GRHL2: variants seen among roughly 807,000 people sequenced by gnomAD.
The protein encoded by GRHL2 is grainyhead like transcription factor 2.
GRHL2 carries 21 observed loss-of-function variants against 83.8 expected under a neutral mutation model. The observed-to-expected ratio is 0.25, with a 90% CI of 0.18 to 0.36. The LOEUF (loss-of-function observed/expected upper bound fraction) is 0.36, where lower values mean the gene tolerates loss of function less well. GRHL2 is among the 10% of genes least tolerant of loss of function. The probability of loss-of-function intolerance (pLI) is 1.00; values close to 1 mark genes in which losing one functional copy is unlikely to be tolerated. For synonymous variants in GRHL2, 280 were observed against 278.9 expected, an observed-to-expected ratio of 1.00 and a Z score of -0.04; for missense variants, 623 against 781.8, an observed-to-expected ratio of 0.80 and a Z score of 2.42.
intron 11 of GRHL2, among the ~76,000 whole-genome samples, chr8:101,634,741 A>G (rs1221337355): frequency 6.6e-6 from 1 of 152,214 alleles, no homozygotes; most frequent in East Asian, 1.9e-4. Flanking sequence ...TGTTCACTCA[A>G]GGACATGACT....
At chr8:101,576,225 G>T (rs1811930436) in intron 6 of GRHL2, among the ~76,000 whole-genome samples, 1 of 152,042 alleles carries the variant, frequency 6.6e-6, no homozygotes, top group South Asian at 2.1e-4. Context: ...TTTTGGTTTT[G>T]GTTTTTGAGA....
downstream of GRHL2, among the ~76,000 whole-genome samples, chr8:101,672,820 T>A (rs200373041): frequency 3.3e-5 from 5 of 151,634 alleles, no homozygotes; most frequent in South Asian, 1.0e-3. Flanking sequence ...CGGGTTACCC[T>A]CAAAGGGAAG....
At chr8:101,671,163 A>G (rs561909696), downstream of GRHL2, among the ~76,000 whole-genome samples, 15 of 152,284 alleles carry the variant, frequency 9.9e-5, no homozygotes, top group South Asian at 3.1e-3. Context: ...GGAGTGCCAG[A>G]CAGTGGGTGC....
At chr8:101,567,257 A>G (rs945226442) in intron 4 of GRHL2, among the ~76,000 whole-genome samples, 3 of 152,240 alleles carry the variant, frequency 2.0e-5, no homozygotes, top group African/African-American at 4.8e-5. Flanking sequence ...CTTCTTTACT[A>G]TCATTTTTCT....
intron 1 of GRHL2, among the ~76,000 whole-genome samples, chr8:101,513,497 G>T (rs1810505514): frequency 1.1e-4 from 1 of 9,292 alleles, no homozygotes; most frequent in Non-Finnish European, 7.8e-4. Flanking sequence ...GGCTATCGTT[G>T]TGCTTTTTTT....
chr8:101,661,349 A>G (rs1586180137), intron 14 of GRHL2, among the ~76,000 whole-genome samples: 1 of 151,964 alleles, frequency 6.6e-6, no homozygotes, highest in Non-Finnish European at 1.5e-5. Flanking sequence ...TGCTATTTGG[A>G]TGGAGCTCTT....
At chr8:101,558,324 T>A in intron 3 of GRHL2, 95 bp from the exon 4 acceptor site, 1 of 1,404,212 alleles carries the variant, frequency 7.1e-7, no homozygotes, top group South Asian at 1.2e-5. Context: ...GGCATTAACA[T>A]CCAATGATTA....
chr8:101,632,777 A>T (rs1333429449), intron 11 of GRHL2, among the ~76,000 whole-genome samples: 2 of 152,234 alleles, frequency 1.3e-5, no homozygotes, highest in Non-Finnish European at 2.9e-5. Context: ...AATAAAACTC[A>T]TTCAACAAAT....
chr8:101,591,258 C>T (rs1263333593), intron 7 of GRHL2, among the ~76,000 whole-genome samples: 1 of 152,232 alleles, frequency 6.6e-6, no homozygotes, highest in Non-Finnish European at 1.5e-5. Flanking sequence ...TTCACACATC[C>T]TCAGCAGCCC....
intron 2 of GRHL2, among the ~76,000 whole-genome samples, chr8:101,546,934 T>C (rs983858080): frequency 6.6e-6 from 1 of 152,260 alleles, no homozygotes; most frequent in African/African-American, 2.4e-5. Context: ...CAGCCAAGTC[T>C]AGAACTCCTT....
intron 2 of GRHL2, among the ~76,000 whole-genome samples, chr8:101,546,247 A>C (rs1295158176): frequency 6.6e-6 from 1 of 152,120 alleles, no homozygotes; most frequent in Non-Finnish European, 1.5e-5. Context: ...TTGAAGAAAT[A>C]TATTGATTAT....
intron 8 of GRHL2, among the ~76,000 whole-genome samples, chr8:101,612,320 C>G (rs1050083952): frequency 6.6e-6 from 1 of 150,876 alleles, no homozygotes; most frequent in African/African-American, 2.5e-5. Context: ...CAAGCAGAGT[C>G]TGGAGTATTC....
intron 14 of GRHL2, among the ~76,000 whole-genome samples, chr8:101,662,063 CA>C (rs1813933517): frequency 6.6e-6 from 1 of 152,186 alleles, no homozygotes; most frequent in Non-Finnish European, 1.5e-5. Flanking sequence ...TTCATTTGCT[CA>C]ACTTCAAAAA....
chr8:101,537,520 A>G lies in GRHL2; in HGVS notation c.21-5721A>G, dbSNP rs372734201. Among the ~76,000 whole-genome samples, 17 of 152,362 alleles carry G rather than the reference A, an allele frequency of 1.1e-4. 1 individual carries two copies. In the East Asian group the frequency reaches 2.9e-3, roughly 26 times the overall value. ...TCCATTGGACTTTGAGCTGGTTATT[A>G]GTAGAATTAGTTCTATGGAGCGTAC... is the stretch of plus-strand genomic sequence containing the variant. On this transcript the variant is annotated intron_variant, in intron 1 of 15. Coordinates refer to ENST00000646743, the MANE Select transcript of GRHL2 (RefSeq NM_024915.4).
At chr8:101,643,121 A>G (rs1393405865) in intron 12 of GRHL2, among the ~76,000 whole-genome samples, 1 of 152,116 alleles carries the variant, frequency 6.6e-6, no homozygotes, top group Non-Finnish European at 1.5e-5. Context: ...TGAAATCTCA[A>G]AAGATCAAAA....
intron 8 of GRHL2, among the ~76,000 whole-genome samples, chr8:101,615,527 T>G (rs1812837182): frequency 6.6e-6 from 1 of 152,142 alleles, no homozygotes; most frequent in Non-Finnish European, 1.5e-5. Flanking sequence ...GCGTTAAGAC[T>G]CCTGTGATTA....
At chr8:101,674,257 A>G (rs1814254897), downstream of GRHL2, among the ~76,000 whole-genome samples, 1 of 152,196 alleles carries the variant, frequency 6.6e-6, no homozygotes, top group South Asian at 2.1e-4. Context: ...CAAAAAATTA[A>G]TGAATCCAGG....
At chr8:101,524,601 CTA>C (rs1238721640) in intron 1 of GRHL2, among the ~76,000 whole-genome samples, 1 of 152,032 alleles carries the variant, frequency 6.6e-6, no homozygotes, top group Admixed American at 6.6e-5. Flanking sequence ...ATTTAGAAAA[CTA>C]TGTTATAATT....
chr8:101,492,937 CATT>C (rs901633696), intron 1 of GRHL2, 148 bp downstream of exon 1: 1 of 749,722 alleles, frequency 1.3e-6, no homozygotes, highest in African/African-American at 1.7e-5. Context: ...GACTTTTCCG[CATT>C]ATGTTTCTAC....
Sources: gnomAD v4.1 joint callset for allele counts (sites outside exome capture counted in the v4.1 genomes callset) on GRCh38, gnomAD v4.1.1 for gene constraint, MANE v1.5 for transcripts, NCBI Gene and HGNC (gene_info 2026-07-23, HGNC 2026-07-21) for gene names.